The following RARB variants were observed in gnomAD, a reference collection of about 807,000 sequenced individuals.
RARB encodes the protein retinoic acid receptor beta.
A neutral mutation model predicts 51.9 loss-of-function variants in RARB; 17 were observed. The observed-to-expected ratio is 0.33, with a 90% CI of 0.22 to 0.49. RARB has a LOEUF of 0.49. Ranked by LOEUF, RARB falls within the 20% of genes least tolerant of loss-of-function variation. The pLI, the probability that RARB is intolerant of heterozygous loss-of-function variation, is 0.99. For synonymous variants in RARB, 215 were observed against 195.4 expected (o/e 1.10, Z -0.84); for missense variants, 369 against 550.8 (o/e 0.67, Z 3.30).
chr3:25,288,307 G>A (rs1467799163), intron 5 of RARB, among the ~76,000 whole-genome samples: 1 of 152,140 alleles, frequency 6.6e-6, no homozygotes, highest in Non-Finnish European at 1.5e-5. Context: ...AAATCATCTA[G>A]TGAAACTTTG....
chr3:25,228,176 C>A (rs1021299450), intron 5 of RARB, among the ~76,000 whole-genome samples: 2 of 143,276 alleles, frequency 1.4e-5, no homozygotes, highest in African/African-American at 5.3e-5. Context: ...TACAGAACTT[C>A]CTTTTTCATT....
chr3:24,878,652 G>A (rs575476373), intron 2 of RARB, among the ~76,000 whole-genome samples: 36 of 152,224 alleles, frequency 2.4e-4, no homozygotes, highest in African/African-American at 8.4e-4. Flanking sequence ...GATGCCATAA[G>A]CACCCCCTAA....
intron 2 of RARB, among the ~76,000 whole-genome samples, chr3:24,946,539 A>T (rs1695779504): frequency 6.6e-6 from 1 of 151,992 alleles, no homozygotes; most frequent in South Asian, 2.1e-4. Flanking sequence ...ATGTGTGCTT[A>T]AAAAACCTAG....
chr3:25,553,415 C>A (rs905682234), intron 3 of RARB, among the ~76,000 whole-genome samples: 2 of 152,064 alleles, frequency 1.3e-5, no homozygotes, highest in Non-Finnish European at 2.9e-5. Flanking sequence ...TGATTTAGAC[C>A]CAGCTATTTG....
At position 25,428,699 on chromosome 3, in the gene RARB, G is replaced by A. The variant is rs766651530; in HGVS notation, c.-33G>A. On this transcript the variant is annotated 5_prime_UTR_variant, in exon 1 of 8. Transcript: ENST00000330688. ...ATTTGCCTCCACACCTAGAGGATAA[G>A]CACTTTTGCAGACATTCAGTGCAAG... 6.3e-6 allele frequency: 10 copies of A among 1,588,354 alleles called. No homozygotes were observed. Among genetic ancestry groups the A allele is most frequent in the Middle Eastern group, 1.7e-4 (1 of 5,942 alleles).
intron 3 of RARB, among the ~76,000 whole-genome samples, chr3:25,109,868 C>T (rs1200023241): frequency 6.6e-6 from 1 of 152,216 alleles, no homozygotes; most frequent in Non-Finnish European, 1.5e-5. Context: ...CAGGTGGACT[C>T]CTTCAGAGGC....
chr3:25,088,121 G>A (rs956952316), intron 3 of RARB, among the ~76,000 whole-genome samples: 1 of 151,934 alleles, frequency 6.6e-6, no homozygotes, highest in Non-Finnish European at 1.5e-5. Flanking sequence ...AGGGATCTAA[G>A]GCAAGGGGTC....
chr3:24,917,316 A>G (rs1196035716), intron 2 of RARB, among the ~76,000 whole-genome samples: 2 of 152,226 alleles, frequency 1.3e-5, no homozygotes, highest in Non-Finnish European at 2.9e-5. Context: ...AAAAACTGAT[A>G]CATTGACTAA....
intron 4 of RARB, among the ~76,000 whole-genome samples, chr3:25,142,259 G>T (rs572575044): frequency 6.6e-6 from 1 of 152,232 alleles, no homozygotes; most frequent in East Asian, 1.9e-4. Flanking sequence ...GCTTGAACCT[G>T]GGAGGTGGAA....
At chr3:25,049,194 T>A (rs1698278023) in intron 2 of RARB, among the ~76,000 whole-genome samples, 1 of 152,230 alleles carries the variant, frequency 6.6e-6, no homozygotes. Flanking sequence ...TGAGACATTT[T>A]AGGGATGCCT....
intron 5 of RARB, among the ~76,000 whole-genome samples, chr3:25,353,732 C>T (rs1459505726): frequency 6.6e-6 from 1 of 152,020 alleles, no homozygotes; most frequent in Non-Finnish European, 1.5e-5. Context: ...AAATTTTCTT[C>T]TTTGGCCAGA....
upstream of RARB, among the ~76,000 whole-genome samples, chr3:25,425,265 T>C (rs1707958864): frequency 6.6e-6 from 1 of 152,206 alleles, no homozygotes; most frequent in Non-Finnish European, 1.5e-5. Context: ...ATCTTTATAG[T>C]GCACGGATCT....
At chr3:25,435,094 C>G (rs866837183) in intron 1 of RARB, among the ~76,000 whole-genome samples, 15 of 152,168 alleles carry the variant, frequency 9.9e-5, no homozygotes, top group South Asian at 4.1e-4. Flanking sequence ...TTCACAGATT[C>G]TCCTCAGTCC....
chr3:25,325,591 A>C (rs1448155731), intron 5 of RARB, among the ~76,000 whole-genome samples: 1 of 150,948 alleles, frequency 6.6e-6, no homozygotes, highest in Non-Finnish European at 1.5e-5. Context: ...TAACACCCCA[A>C]CTCCTCATCT....
At chr3:25,269,340 C>T (rs1703197870) in intron 5 of RARB, among the ~76,000 whole-genome samples, 1 of 152,180 alleles carries the variant, frequency 6.6e-6, no homozygotes, top group East Asian at 1.9e-4. Flanking sequence ...CAAAGCTTAT[C>T]AGTGGATCAT....
At chr3:25,578,443 G>T (rs1701031531) in intron 4 of RARB, among the ~76,000 whole-genome samples, 1 of 152,242 alleles carries the variant, frequency 6.6e-6, no homozygotes, top group Non-Finnish European at 1.5e-5. Flanking sequence ...TGTTGATGAA[G>T]GTTTCGTTCA....
intron 5 of RARB, among the ~76,000 whole-genome samples, chr3:25,234,055 AG>A (rs36069423): frequency 1.3e-5 from 2 of 152,084 alleles, no homozygotes; most frequent in African/African-American, 2.4e-5. Context: ...GTTTTGCTTT[AG>A]GGTAATGTTG....
chr3:25,373,190 A>G (rs1252353860), intron 5 of RARB, among the ~76,000 whole-genome samples: 1 of 152,204 alleles, frequency 6.6e-6, no homozygotes, highest in Non-Finnish European at 1.5e-5. Context: ...GGAGCTAGAG[A>G]TAAAATTGTT....
chr3:25,282,058 A>G (rs1263077495), intron 5 of RARB, among the ~76,000 whole-genome samples: 1 of 152,254 alleles, frequency 6.6e-6, no homozygotes, highest in East Asian at 1.9e-4. Context: ...CGAGTATAAA[A>G]TTATGCAAAG....
Sources: gnomAD v4.1 joint callset for allele counts (sites outside exome capture counted in the v4.1 genomes callset) on GRCh38, gnomAD v4.1.1 for gene constraint, MANE v1.5 for transcripts, NCBI Gene and HGNC (gene_info 2026-07-23, HGNC 2026-07-21) for gene names.